MDGA2: variants seen among roughly 807,000 people sequenced by gnomAD.
MDGA2 encodes the protein MAM domain containing glycosylphosphatidylinositol anchor 2, also known as MAM domain-containing glycosylphosphatidylinositol anchor protein 2.
Under a neutral mutation model 117.8 loss-of-function variants are expected in MDGA2, and 40 were observed. The ratio of observed to expected loss-of-function variants is 0.34; its 90% CI spans 0.26 to 0.44. The LOEUF is 0.44. MDGA2 is among the 20% of genes least tolerant of loss of function. The pLI, the probability that MDGA2 is intolerant of heterozygous loss-of-function variation, is 1.00. For missense variants in MDGA2, 1,123 were observed against 1,250.6 expected (o/e 0.90, Z 1.54); for synonymous variants, 452 against 439.0 (o/e 1.03, Z -0.37).
intron 1 of MDGA2, among the ~76,000 whole-genome samples, chr14:47,403,851 C>A: frequency 6.6e-6 from 1 of 152,136 alleles, no homozygotes; most frequent in South Asian, 2.1e-4. Flanking sequence ...CCTCTGAAGC[C>A]CACTCTATAC....
intron 1 of MDGA2, among the ~76,000 whole-genome samples, chr14:47,668,084 G>C (rs1315983229): frequency 6.6e-6 from 1 of 152,130 alleles, no homozygotes; most frequent in Non-Finnish European, 1.5e-5. Context: ...GTAACTCCTA[G>C]GGAATATATC....
chr14:47,331,939 C>T (rs17740979), intron 1 of MDGA2, among the ~76,000 whole-genome samples: 13,697 of 151,948 alleles, frequency 0.09, 760 homozygotes, highest in Non-Finnish European at 0.11. Flanking sequence ...CACGTACGAA[C>T]ATTTTGGCAT....
intron 1 of MDGA2, among the ~76,000 whole-genome samples, chr14:47,442,539 G>A (rs1014112844): frequency 3.3e-5 from 5 of 152,066 alleles, no homozygotes; most frequent in Admixed American, 1.3e-4. Context: ...CAGGAGCAGA[G>A]TATTAACAAA....
rs933304043 is a variant in MDGA2 at position 47,460,491 on chromosome 14, GAC to G, written c.281-158943_281-158942del. 5.5e-4 allele frequency among the ~76,000 whole-genome samples: 83 copies of G among 151,906 alleles called. 1 individual carries two copies. Among genetic ancestry groups the G allele is most frequent in the African/African-American group, 1.9e-3 (79 of 41,414 alleles). ...ACATTAGACTTACTTATTTAGATGA[GAC>G]ACAGAGAAGAGAGGGGAAAGAATTA... On this transcript the variant is annotated intron_variant, in intron 1 of 16. Transcript: ENST00000399232.
chr14:46,842,847 C>G (rs1357922163), intron 16 of MDGA2, among the ~76,000 whole-genome samples: 2 of 152,150 alleles, frequency 1.3e-5, no homozygotes, highest in Admixed American at 1.3e-4. Flanking sequence ...AACTGGCAGC[C>G]TGAGGAATCA....
At chr14:47,550,318 C>A (rs903637514) in intron 1 of MDGA2, among the ~76,000 whole-genome samples, 5 of 152,180 alleles carry the variant, frequency 3.3e-5, no homozygotes, top group African/African-American at 1.2e-4. Context: ...CTAGTGACTT[C>A]TTTGTGAATA....
Position 47,630,301 on chromosome 14 carries a change from T to C in MDGA2, c.280+44216A>G, listed in dbSNP as rs538483481. Among the ~76,000 whole-genome samples, 7 of 152,298 alleles carry C rather than the reference T, an allele frequency of 4.6e-5. No individual in the cohort carries two copies. In the East Asian group the frequency reaches 7.7e-4, roughly 17 times the overall value. ...TTACATGGAGCAATAAAAGTTTCAATAGGTTATTTTTATACTATGGAAACT... is the reference window on the plus strand; with the variant it reads ...TTACATGGAGCAATAAAAGTTTCAACAGGTTATTTTTATACTATGGAAACT... On this transcript the variant is annotated intron_variant, in intron 1 of 16. Transcript: ENST00000399232.
intron 1 of MDGA2, among the ~76,000 whole-genome samples, chr14:47,346,193 A>C (rs1427102217): frequency 6.6e-6 from 1 of 152,162 alleles, no homozygotes; most frequent in Non-Finnish European, 1.5e-5. Flanking sequence ...TATGTGCCCC[A>C]AAAATATGTA....
chr14:47,112,864 G>A (rs879995876), intron 5 of MDGA2, among the ~76,000 whole-genome samples: 6 of 152,138 alleles, frequency 3.9e-5, no homozygotes, highest in Non-Finnish European at 8.8e-5. Flanking sequence ...CACCAACAGT[G>A]TAAAAACATT....
Position 47,328,901 on chromosome 14 carries a change from G to T in MDGA2, c.281-27351C>A, listed in dbSNP as rs913839761. 4.6e-5 allele frequency among the ~76,000 whole-genome samples: 7 copies of T among 152,076 alleles called. No homozygotes were observed. In the East Asian group the frequency reaches 1.4e-3, roughly 29 times the overall value. On this transcript the variant is annotated intron_variant, in intron 1 of 16. Transcript: ENST00000399232. Reference sequence around the variant, plus strand: ...AGGCACTGCATCCCCAAATAAAAAAGATAAGAATCATAGCAACATTTGGTT... The same window carrying T: ...AGGCACTGCATCCCCAAATAAAAAATATAAGAATCATAGCAACATTTGGTT...
At chr14:47,637,122 C>A (rs994582390) in intron 1 of MDGA2, among the ~76,000 whole-genome samples, 1 of 152,130 alleles carries the variant, frequency 6.6e-6, no homozygotes, top group East Asian at 1.9e-4. Flanking sequence ...ATGAGACCCG[C>A]TATTTTATCT....
chr14:47,348,378 A>G (rs1430005854), intron 1 of MDGA2, among the ~76,000 whole-genome samples: 5 of 151,796 alleles, frequency 3.3e-5, no homozygotes, highest in Non-Finnish European at 7.4e-5. Flanking sequence ...CGCCCAGCTA[A>G]TTTTTGTATT....
chr14:47,533,118 A>G (rs1016697139), intron 1 of MDGA2, among the ~76,000 whole-genome samples: 1 of 152,200 alleles, frequency 6.6e-6, no homozygotes, highest in Non-Finnish European at 1.5e-5. Context: ...TCAATCACTG[A>G]GACCAGAGAT....
chr14:47,285,124 T>C (rs1036072872), intron 2 of MDGA2, among the ~76,000 whole-genome samples: 4 of 152,124 alleles, frequency 2.6e-5, no homozygotes, highest in Non-Finnish European at 4.4e-5. Context: ...ATGTATGACT[T>C]ACGGATCACC....
At chr14:47,628,631 C>G (rs1200568439) in intron 1 of MDGA2, among the ~76,000 whole-genome samples, 1 of 152,156 alleles carries the variant, frequency 6.6e-6, no homozygotes, top group Non-Finnish European at 1.5e-5. Context: ...CTATGGTGAA[C>G]AGTACTAACC....
intron 2 of MDGA2, among the ~76,000 whole-genome samples, chr14:47,254,495 T>G (rs1887553216): frequency 6.6e-6 from 1 of 152,174 alleles, no homozygotes; most frequent in South Asian, 2.1e-4. Context: ...TTCCTCATCT[T>G]CATCTGAGAT....
At chr14:47,249,137 C>A (rs930729630) in intron 2 of MDGA2, among the ~76,000 whole-genome samples, 2 of 152,002 alleles carry the variant, frequency 1.3e-5, no homozygotes, top group Admixed American at 1.3e-4. Flanking sequence ...CCTGCCTCAG[C>A]CCCCCGAGTA....
At chr14:46,991,405 T>TAGAA (rs1362196561) in intron 8 of MDGA2, among the ~76,000 whole-genome samples, 4 of 152,130 alleles carry the variant, frequency 2.6e-5, no homozygotes, top group African/African-American at 9.6e-5. Flanking sequence ...AGAGAACACT[T>TAGAA]ATTAAAGAGC....
chr14:47,419,049 T>G (rs1382932942), intron 1 of MDGA2, among the ~76,000 whole-genome samples: 2 of 152,176 alleles, frequency 1.3e-5, no homozygotes, highest in Non-Finnish European at 2.9e-5. Flanking sequence ...AATTTTGAGT[T>G]ATTTTTAAGA....
Sources: gnomAD v4.1 joint callset for allele counts (sites outside exome capture counted in the v4.1 genomes callset) on GRCh38, gnomAD v4.1.1 for gene constraint, MANE v1.5 for transcripts, NCBI Gene and HGNC (gene_info 2026-07-23, HGNC 2026-07-21) for gene names.